RELCH: variants seen among roughly 807,000 people sequenced by gnomAD.
RELCH encodes RAB11 binding and LisH domain, coiled-coil and HEAT repeat containing.
RELCH carries 41 observed loss-of-function variants against 150.3 expected under a neutral mutation model. That is an observed-to-expected ratio of 0.27 (90% confidence interval 0.21 to 0.35). The LOEUF (loss-of-function observed/expected upper bound fraction) is 0.35. RELCH is among the 10% of genes least tolerant of loss of function. The probability of loss-of-function intolerance (pLI) is 1.00; values close to 1 mark genes in which losing one functional copy is unlikely to be tolerated. For missense variants in RELCH, 1,092 were observed against 1,467.8 expected, an observed-to-expected ratio of 0.74 and a Z score of 4.18; for synonymous variants, 478 against 531.8, an observed-to-expected ratio of 0.90 and a Z score of 1.39.
At chr18:62,288,780 T>G (rs1484538371) in intron 26 of RELCH, among the ~76,000 whole-genome samples, 1 of 152,084 alleles carries the variant, frequency 6.6e-6, no homozygotes, top group Non-Finnish European at 1.5e-5. Flanking sequence ...TTAGGGAAGA[T>G]AGAGGAAGCA....
At chr18:62,212,193 C>A (rs944283939) in intron 2 of RELCH, among the ~76,000 whole-genome samples, 1 of 152,232 alleles carries the variant, frequency 6.6e-6, no homozygotes, top group African/African-American at 2.4e-5. Context: ...TTGGAATTCA[C>A]CCCGTTAGCA....
intron 20 of RELCH, among the ~76,000 whole-genome samples, chr18:62,273,036 CAA>C (rs200662662): frequency 1.5e-4 from 21 of 137,392 alleles, no homozygotes; most frequent in African/African-American, 3.2e-4. Context: ...GATTATGTAG[CAA>C]AAAAAAAAAA....
intron 27 of RELCH, among the ~76,000 whole-genome samples, chr18:62,297,924 C>T (rs914753421): frequency 6.6e-6 from 1 of 152,120 alleles, no homozygotes; most frequent in Non-Finnish European, 1.5e-5. Flanking sequence ...TGAATTGTAC[C>T]GTTCTCCACT....
intron 18 of RELCH, 140 bp downstream of exon 18, chr18:62,264,992 T>A: frequency 1.6e-6 from 1 of 634,786 alleles, no homozygotes; most frequent in Non-Finnish European, 2.5e-6. Context: ...ACTATGATAG[T>A]AAAAAAAAGT....
intron 1 of RELCH, among the ~76,000 whole-genome samples, chr18:62,199,908 T>C (rs190671522): frequency 2.0e-4 from 31 of 152,304 alleles, no homozygotes; most frequent in Admixed American, 1.8e-3. Flanking sequence ...TTATGAAAGG[T>C]TATCTGTGTA....
chr18:62,251,289 G>A (rs960858597), intron 11 of RELCH, among the ~76,000 whole-genome samples: 1 of 152,192 alleles, frequency 6.6e-6, no homozygotes, highest in Non-Finnish European at 1.5e-5. Flanking sequence ...AGCTGGAGAA[G>A]GGATTTAGCT....
At chr18:62,258,946 C>G (rs2043122761) in intron 15 of RELCH, among the ~76,000 whole-genome samples, 1 of 151,966 alleles carries the variant, frequency 6.6e-6, no homozygotes, top group Admixed American at 6.6e-5. Context: ...TTCAGAAAGC[C>G]AGCTCTTTCT....
At chr18:62,295,291 C>T (rs898515120) in intron 27 of RELCH, among the ~76,000 whole-genome samples, 5 of 149,354 alleles carry the variant, frequency 3.3e-5, no homozygotes, top group Admixed American at 6.7e-5. Flanking sequence ...GGACTACAGG[C>T]GTGAGCCACC....
At chr18:62,228,171 T>G (rs2041330247) in intron 7 of RELCH, 134 bp from the exon 8 acceptor site, 1 of 688,084 alleles carries the variant, frequency 1.5e-6, no homozygotes, top group Non-Finnish European at 2.4e-6. Flanking sequence ...TAAAAAAGAT[T>G]TATTACTTGC....
chr18:62,214,722 T>A (rs990200807), intron 2 of RELCH, among the ~76,000 whole-genome samples: 2 of 152,198 alleles, frequency 1.3e-5, no homozygotes, highest in Non-Finnish European at 1.5e-5. Flanking sequence ...CAAAGCTTAC[T>A]GCTTGCACCC....
At chr18:62,238,497 A>T (rs1568362277) in intron 10 of RELCH, among the ~76,000 whole-genome samples, 1 of 152,052 alleles carries the variant, frequency 6.6e-6, no homozygotes. Flanking sequence ...TGAAGAGGAA[A>T]TTCTATAATT....
In RELCH at chr18:62,187,565, T is replaced by C. The variant is rs2148116634; in HGVS notation, c.60T>C (p.Ser20=). Residue 20 remains serine (S), a synonymous_variant, in exon 1 of 29, where the codon AGT becomes AGC. Transcript: ENST00000644646. The part of the protein sequence containing the change: ...GSGGGVNPFL[S]DSDEDDDEVA... ...GTGGCGGCGTGAATCCATTTCTCAG[T>C]GATTCGGATGAGGACGATGACGAGG... 1 of 1,518,316 alleles carries C rather than the reference T, an allele frequency of 6.6e-7. No individual in the cohort carries two copies. The highest frequency in any genetic ancestry group is 8.8e-7 in the Non-Finnish European group (1 of 1,133,760). 94.1% of individuals were successfully genotyped at this position (1,518,316 alleles called of 1,614,324 possible). A position where few individuals can be genotyped will look rare whatever the true frequency, so the allele number is the denominator to read the frequency against.
intron 21 of RELCH, 81 bp downstream of exon 21, chr18:62,274,167 A>G (rs1438134585): frequency 4.7e-6 from 4 of 852,842 alleles, no homozygotes; most frequent in Non-Finnish European, 7.6e-6. Context: ...TTTTAAGTCT[A>G]AAAGAGTTGA....
chr18:62,239,672 TC>T (rs1190214615), intron 10 of RELCH, among the ~76,000 whole-genome samples: 2 of 152,180 alleles, frequency 1.3e-5, no homozygotes, highest in Admixed American at 1.3e-4. Context: ...TTCCGGTCTG[TC>T]CCCTGTAGGT....
At chr18:62,188,804 G>C (rs1448782168) in intron 1 of RELCH, among the ~76,000 whole-genome samples, 1 of 152,132 alleles carries the variant, frequency 6.6e-6, no homozygotes, top group African/African-American at 2.4e-5. Flanking sequence ...ATCTCTTATG[G>C]CTTGAAAACT....
chr18:62,287,142 C>T (rs1010630083), intron 25 of RELCH, among the ~76,000 whole-genome samples: 4 of 152,088 alleles, frequency 2.6e-5, no homozygotes, highest in African/African-American at 4.8e-5. Context: ...AAATTTGTTT[C>T]CCCCAAATGC....
At chr18:62,238,899 G>T (rs889724942) in intron 10 of RELCH, among the ~76,000 whole-genome samples, 13 of 152,032 alleles carry the variant, frequency 8.6e-5, no homozygotes, top group African/African-American at 2.9e-4. Context: ...GCAAAGGAAA[G>T]AACCAATTCC....
In RELCH at chr18:62,227,396, A is replaced by G. The variant is rs1353356212; in HGVS notation, c.966A>G (p.Val322=). The change falls in exon 6 of 29, where the codon GTA becomes GTG. Residue 322 remains valine, a synonymous_variant. Transcript: ENST00000644646. ...ATCAAGTAACTGGAAAAGATCTTGT[A>G]GATGTGGCCAGTGGAGTAGAAGAAG... The part of the protein sequence containing the change: ...GNHQVTGKDL[V]DVASGVEEDE... 5 of 1,612,676 alleles carry G rather than the reference A, an allele frequency of 3.1e-6. No homozygotes were observed. Among genetic ancestry groups the G allele is most frequent in the African/African-American group, 1.3e-5 (1 of 74,814 alleles).
chr18:62,280,295 C>G, intron 23 of RELCH: 2 of 1,347,936 alleles, frequency 1.5e-6, no homozygotes, highest in Non-Finnish European at 2.1e-6. Context: ...TCCTCAGTCA[C>G]AGCTAACCCA....
Sources: gnomAD v4.1 joint callset for allele counts (sites outside exome capture counted in the v4.1 genomes callset) on GRCh38, gnomAD v4.1.1 for gene constraint, MANE v1.5 for transcripts, NCBI Gene and HGNC (gene_info 2026-07-23, HGNC 2026-07-21) for gene names.